The following WDFY1 variants were observed in gnomAD, a reference collection of about 807,000 sequenced individuals.
WDFY1 encodes the protein WD repeat and FYVE domain containing 1.
Under a neutral mutation model 56.4 loss-of-function variants are expected in WDFY1, and 32 were observed. The ratio of observed to expected loss-of-function variants is 0.57; its 90% CI spans 0.43 to 0.76. The LOEUF (loss-of-function observed/expected upper bound fraction) is 0.76, where lower values mean the gene tolerates loss of function less well. Ranked by LOEUF, WDFY1 falls within the 30% of genes least tolerant of loss-of-function variation. WDFY1 has a pLI of 0.00. For missense variants in WDFY1, 480 were observed against 545.7 expected, an observed-to-expected ratio of 0.88 and a Z score of 1.20; for synonymous variants, 192 against 197.3, an observed-to-expected ratio of 0.97 and a Z score of 0.23.
At chr2:223,884,800 C>T (rs1213290361) in intron 8 of WDFY1, 51 bp from the exon 9 acceptor site, 1 of 1,514,560 alleles carries the variant, frequency 6.6e-7, no homozygotes, top group Admixed American at 1.7e-5. Flanking sequence ...TATTTACTCC[C>T]ATGTTTCAAA....
At chr2:223,902,831 T>A (rs887779441) in intron 4 of WDFY1, among the ~76,000 whole-genome samples, 9 of 151,404 alleles carry the variant, frequency 5.9e-5, no homozygotes, top group Admixed American at 3.3e-4. Context: ...AGTGATAGAT[T>A]AATTTGGTCT....
In WDFY1 at chr2:223,901,242, G is replaced by C. The variant is rs761949001; in HGVS notation, c.426C>G (p.Cys142Trp). 6.2e-7 allele frequency: 1 copy of C among 1,614,086 alleles called. No individual in the cohort carries two copies. The highest frequency in any genetic ancestry group is 1.1e-5 in the South Asian group (1 of 91,080). The change falls in exon 5 of 12, where the codon TGC becomes TGG. Residue 142 changes from cysteine to tryptophan, a missense_variant. By Grantham distance (215) the Cys-to-Trp change is radical. Transcript: ENST00000233055. Reference sequence around the variant, plus strand: ...TCCCGAGCATGTTCCCGCTCCGCGTGCACATCCAGCTCACACACTTGTCGT... The same window carrying C: ...TCCCGAGCATGTTCCCGCTCCGCGTCCACATCCAGCTCACACACTTGTCGT... ...TGHDKCVSWMCTRSGNMLGRH... is the reference protein window; with the variant it reads ...TGHDKCVSWMWTRSGNMLGRH...
intron 1 of WDFY1, among the ~76,000 whole-genome samples, chr2:223,937,739 G>A (rs1420378644): frequency 6.6e-6 from 1 of 152,120 alleles, no homozygotes; most frequent in African/African-American, 2.4e-5. Flanking sequence ...TGTGTGGGGT[G>A]GCCACCCAGG....
chr2:223,932,324 G>C, intron 1 of WDFY1, among the ~76,000 whole-genome samples: 1 of 151,546 alleles, frequency 6.6e-6, no homozygotes, highest in East Asian at 2.0e-4. Context: ...GGGTTTCACC[G>C]TGTTAGCCAG....
chr2:223,936,346 GC>G (rs1471279320), intron 1 of WDFY1, among the ~76,000 whole-genome samples: 4 of 152,118 alleles, frequency 2.6e-5, no homozygotes, highest in Non-Finnish European at 5.9e-5. Flanking sequence ...ACAGGCATGA[GC>G]CACTGCGCCC....
chr2:223,931,958 T>C (rs1694082878), intron 1 of WDFY1, among the ~76,000 whole-genome samples: 1 of 152,062 alleles, frequency 6.6e-6, no homozygotes, highest in Non-Finnish European at 1.5e-5. Context: ...AGTGCTGGGA[T>C]TACAGGCGTG....
chr2:223,945,295 C>T lies in WDFY1; in HGVS notation c.-11G>A, dbSNP rs1689393822. 1 of 1,564,024 alleles carries T rather than the reference C, an allele frequency of 6.4e-7. No homozygotes were observed. Among genetic ancestry groups the T allele is most frequent in the Non-Finnish European group, 8.6e-7 (1 of 1,162,776 alleles). ...GATTTCGGCCGCCATGTTCGCGCGG[C>T]GACTGCTGCGGCCTCCTCGGCAGGC... On this transcript the variant is annotated 5_prime_UTR_variant, in exon 1 of 12. Transcript: ENST00000233055.
intron 10 of WDFY1, among the ~76,000 whole-genome samples, chr2:223,880,778 A>C (rs998008213): frequency 1.1e-5 from 1 of 87,288 alleles, no homozygotes; most frequent in Admixed American, 1.1e-4. Flanking sequence ...TTTTTTTTTT[A>C]CTGGAAAGGC....
intron 1 of WDFY1, among the ~76,000 whole-genome samples, chr2:223,943,922 G>C (rs1346555449): frequency 1.3e-5 from 2 of 152,188 alleles, no homozygotes; most frequent in Non-Finnish European, 2.9e-5. Context: ...AAGCATGGTG[G>C]GCGTCCAATG....
chr2:223,880,399 G>A (rs560727426), intron 10 of WDFY1, among the ~76,000 whole-genome samples, 167 bp from the exon 11 acceptor site: 35 of 152,116 alleles, frequency 2.3e-4, no homozygotes, highest in African/African-American at 8.2e-4. Flanking sequence ...TTGAGGTCAG[G>A]GGTTCAAGAC....
chr2:223,902,127 TAC>T (rs778922634), intron 4 of WDFY1, among the ~76,000 whole-genome samples: 11 of 152,306 alleles, frequency 7.2e-5, no homozygotes, highest in Non-Finnish European at 1.3e-4. Flanking sequence ...CTCTCAGCTG[TAC>T]AGACTGCTTA....
Position 223,932,962 on chromosome 2 carries a change from C to A in WDFY1, c.137+12186G>T, listed in dbSNP as rs185903831. Among the ~76,000 whole-genome samples the A allele has an allele frequency of 1.4e-3, 213 of 151,676 alleles. 2 individuals are homozygous for A. Among genetic ancestry groups the A allele is most frequent in the Middle Eastern group, 6.8e-3 (2 of 294 alleles). ...GGAACGAACAACATAGCTATCATTG[C>A]CATCTGTTTTTATCGAATAAATAGC... On this transcript the variant is annotated intron_variant, in intron 1 of 11. Transcript: ENST00000233055.
chr2:223,883,127 C>G (rs1156482974), intron 9 of WDFY1, among the ~76,000 whole-genome samples: 1 of 152,174 alleles, frequency 6.6e-6, no homozygotes, highest in Admixed American at 6.5e-5. Flanking sequence ...TTAAGCCACC[C>G]TTCCACATTG....
chr2:223,942,527 C>CTTTTT lies in WDFY1; in HGVS notation c.137+2616_137+2620dup, dbSNP rs57223015. Among the ~76,000 whole-genome samples the CTTTTT allele has an allele frequency of 2.5e-3, 183 of 74,158 alleles. 12 individuals carry two copies. Among genetic ancestry groups the CTTTTT allele is most frequent in the Non-Finnish European group, 2.9e-3 (114 of 39,522 alleles). 48.7% of individuals were successfully genotyped at this position (74,158 alleles called of 152,430 possible). On this transcript the variant is annotated intron_variant, in intron 1 of 11. Coordinates refer to ENST00000233055, the MANE Select transcript of WDFY1 (RefSeq NM_020830.5). ...GCCACTGCGCCTGGCCAAAGGCTAACTTTTTTTTTTTTTTTTTTTGAGACG... is the reference window on the plus strand; with the variant it reads ...GCCACTGCGCCTGGCCAAAGGCTAACTTTTTTTTTTTTTTTTTTTTTTTTGAGACG...
chr2:223,938,219 A>G (rs993741197), intron 1 of WDFY1, among the ~76,000 whole-genome samples: 4 of 152,344 alleles, frequency 2.6e-5, no homozygotes, highest in Non-Finnish European at 5.9e-5. Flanking sequence ...CCCCTAATGC[A>G]ACAGTATAAG....
chr2:223,936,820 C>G (rs958345301), intron 1 of WDFY1, among the ~76,000 whole-genome samples: 2 of 152,194 alleles, frequency 1.3e-5, no homozygotes, highest in Non-Finnish European at 2.9e-5. Context: ...CATGACCAGC[C>G]TCTAACACTG....
chr2:223,909,775 C>T (rs1039391799), intron 3 of WDFY1, among the ~76,000 whole-genome samples: 1 of 152,178 alleles, frequency 6.6e-6, no homozygotes, highest in African/African-American at 2.4e-5. Flanking sequence ...ATCCATTTGT[C>T]CTTCTTCATG....
intron 4 of WDFY1, among the ~76,000 whole-genome samples, chr2:223,903,159 A>G (rs1419830543): frequency 6.6e-6 from 1 of 152,234 alleles, no homozygotes; most frequent in Non-Finnish European, 1.5e-5. Flanking sequence ...AAATGTTATT[A>G]GTCAATGAAA....
intron 5 of WDFY1, among the ~76,000 whole-genome samples, chr2:223,900,574 T>C (rs892630635): frequency 6.6e-6 from 1 of 152,150 alleles, no homozygotes; most frequent in Non-Finnish European, 1.5e-5. Flanking sequence ...CCGTGATTTT[T>C]AGCATTTTGG....
Sources: gnomAD v4.1 joint callset for allele counts (sites outside exome capture counted in the v4.1 genomes callset) on GRCh38, gnomAD v4.1.1 for gene constraint, MANE v1.5 for transcripts, NCBI Gene and HGNC (gene_info 2026-07-23, HGNC 2026-07-21) for gene names.